Variants in PHLPP1 observed in about 807,000 individuals in gnomAD.
The protein encoded by PHLPP1 is PH domain and leucine rich repeat protein phosphatase 1.
In PHLPP1, 42 loss-of-function variants were observed where a neutral mutation model predicts 117.2. That is an observed-to-expected ratio of 0.36 (90% CI 0.28 to 0.46). PHLPP1 has a LOEUF of 0.46. Ranked by LOEUF, PHLPP1 falls within the 20% of genes least tolerant of loss-of-function variation. The probability of loss-of-function intolerance (pLI) is 1.00; values close to 1 mark genes in which losing one functional copy is unlikely to be tolerated. For missense variants in PHLPP1, 2,084 were observed against 2,241.9 expected, an observed-to-expected ratio of 0.93 and a Z score of 1.42; for synonymous variants, 1,042 against 970.7, an observed-to-expected ratio of 1.07 and a Z score of -1.37.
At chr18:62,828,858 C>T (rs1163445411) in intron 1 of PHLPP1, among the ~76,000 whole-genome samples, 1 of 152,170 alleles carries the variant, frequency 6.6e-6, no homozygotes, top group Non-Finnish European at 1.5e-5. Flanking sequence ...TACTATAGTA[C>T]ATATATCTCT....
intron 11 of PHLPP1, among the ~76,000 whole-genome samples, chr18:62,942,624 A>G (rs927890640): frequency 2.0e-5 from 3 of 152,098 alleles, no homozygotes; most frequent in African/African-American, 7.2e-5. Context: ...CTTTGAGTGA[A>G]TCTGCGTGCT....
intron 12 of PHLPP1, among the ~76,000 whole-genome samples, chr18:62,948,988 A>C (rs968115264): frequency 1.3e-5 from 2 of 152,130 alleles, no homozygotes; most frequent in African/African-American, 4.8e-5. Flanking sequence ...TATGTAAACT[A>C]AGCATATTTT....
At chr18:62,863,664 G>A (rs1009810126) in intron 4 of PHLPP1, among the ~76,000 whole-genome samples, 29 of 152,212 alleles carry the variant, frequency 1.9e-4, no homozygotes, top group African/African-American at 5.1e-4. Context: ...TAAACTCATG[G>A]TGCTGGTGGG....
intron 1 of PHLPP1, among the ~76,000 whole-genome samples, chr18:62,806,094 A>G (rs1304441460): frequency 6.6e-6 from 1 of 152,040 alleles, no homozygotes; most frequent in Non-Finnish European, 1.5e-5. Flanking sequence ...GTGAAACAAA[A>G]CAAAAACTCA....
chr18:62,792,540 C>G (rs1913491264), intron 1 of PHLPP1, among the ~76,000 whole-genome samples: 1 of 152,134 alleles, frequency 6.6e-6, no homozygotes. Flanking sequence ...CTTTGTTTCT[C>G]TAAATGTTAC....
At chr18:62,744,316 A>G (rs1370052191) in intron 1 of PHLPP1, among the ~76,000 whole-genome samples, 3 of 152,170 alleles carry the variant, frequency 2.0e-5, no homozygotes, top group Non-Finnish European at 2.9e-5. Context: ...GTGAACCCTG[A>G]CTTAGAGGAA....
chr18:62,780,928 C>T (rs928812911), intron 1 of PHLPP1, among the ~76,000 whole-genome samples: 9 of 152,180 alleles, frequency 5.9e-5, no homozygotes, highest in African/African-American at 2.2e-4. Context: ...GTTTTCAATG[C>T]CAGTGGAACT....
At chr18:62,950,388 T>A (rs1183829468) in intron 12 of PHLPP1, among the ~76,000 whole-genome samples, 1 of 152,180 alleles carries the variant, frequency 6.6e-6, no homozygotes, top group Non-Finnish European at 1.5e-5. Flanking sequence ...AGATCAGCTC[T>A]CAATCAGCTA....
At chr18:62,971,426 A>T (rs1911045499) in intron 14 of PHLPP1, among the ~76,000 whole-genome samples, 1 of 149,046 alleles carries the variant, frequency 6.7e-6, no homozygotes, top group South Asian at 2.1e-4. Context: ...TCTGGGACAC[A>T]GTTGCTTGGA....
chr18:62,739,837 GAA>G (rs897501994), intron 1 of PHLPP1, among the ~76,000 whole-genome samples: 15 of 152,252 alleles, frequency 9.9e-5, no homozygotes, highest in African/African-American at 3.6e-4. Flanking sequence ...AGAAGGTAAA[GAA>G]GAGTCACATC....
At chr18:62,888,235 G>A (rs1206164302) in intron 4 of PHLPP1, among the ~76,000 whole-genome samples, 1 of 150,708 alleles carries the variant, frequency 6.6e-6, no homozygotes, top group Admixed American at 6.6e-5. Context: ...TGAATGCAAC[G>A]GTAGCACTGA....
chr18:62,849,443 C>T (rs1396994338), intron 3 of PHLPP1, among the ~76,000 whole-genome samples: 1 of 151,354 alleles, frequency 6.6e-6, no homozygotes. Flanking sequence ...GGTGGATCAC[C>T]TGAGGTCAGG....
At chr18:62,845,220 T>A (rs1915150445) in intron 3 of PHLPP1, among the ~76,000 whole-genome samples, 1 of 152,122 alleles carries the variant, frequency 6.6e-6, no homozygotes, top group Admixed American at 6.6e-5. Context: ...GGCTGACAGT[T>A]GCAGGTGACT....
chr18:62,907,330 A>G (rs1916876655), intron 8 of PHLPP1, among the ~76,000 whole-genome samples: 1 of 41,400 alleles, frequency 2.4e-5, no homozygotes, highest in South Asian at 1.2e-3. Flanking sequence ...AGCTGAGAGA[A>G]GAAGGCTTCA....
chr18:62,950,981 G>GT (rs770050748), intron 12 of PHLPP1, among the ~76,000 whole-genome samples: 1,552 of 143,772 alleles, frequency 0.011, 11 homozygotes, highest in African/African-American at 0.023. Flanking sequence ...ACCCAGACTA[G>GT]TTTTTTTTTT....
intron 10 of PHLPP1, among the ~76,000 whole-genome samples, chr18:62,936,235 A>G (rs1402534621): frequency 2.6e-5 from 4 of 152,200 alleles, no homozygotes; most frequent in African/African-American, 9.7e-5. Flanking sequence ...AGCAAAAAGT[A>G]CACAATGATA....
At chr18:62,892,489 A>G (rs1916452343) in intron 4 of PHLPP1, among the ~76,000 whole-genome samples, 1 of 152,158 alleles carries the variant, frequency 6.6e-6, no homozygotes. Context: ...AAAAGCAGGT[A>G]CTGTCTGGAA....
chr18:62,772,078 C>A (rs544342324), intron 1 of PHLPP1, among the ~76,000 whole-genome samples: 1 of 152,188 alleles, frequency 6.6e-6, no homozygotes, highest in East Asian at 1.9e-4. Context: ...CATCTTCTGA[C>A]GTAACTGTGC....
chr18:62,731,072 T>C (rs184529933), intron 1 of PHLPP1, among the ~76,000 whole-genome samples: 186 of 152,334 alleles, frequency 1.2e-3, no homozygotes, highest in African/African-American at 4.4e-3. Flanking sequence ...AGATATTGCA[T>C]TTCTTACAAA....
Sources: allele counts gnomAD v4.1 joint callset (sites outside exome capture counted in the v4.1 genomes callset), GRCh38; gene constraint gnomAD v4.1.1; transcripts MANE v1.5; gene names NCBI Gene and HGNC (gene_info 2026-07-23, HGNC 2026-07-21).